The following RANBP2 variants were observed in gnomAD, a reference collection of about 807,000 sequenced individuals.
RANBP2 encodes the protein E3 SUMO-protein ligase RanBP2.
A neutral mutation model predicts 303.6 loss-of-function variants in RANBP2; 57 were observed. The ratio of observed to expected loss-of-function variants is 0.19; its 90% CI spans 0.15 to 0.23. RANBP2 has a LOEUF of 0.23. Ranked by LOEUF, RANBP2 falls within the 10% of genes least tolerant of loss-of-function variation. The pLI is 1.00. For missense variants in RANBP2, 3,138 were observed against 3,780.8 expected, an observed-to-expected ratio of 0.83 and a Z score of 4.46; for synonymous variants, 1,167 against 1,301.5, an observed-to-expected ratio of 0.90 and a Z score of 2.23.
chr2:109,585,656 A>G, the RANBP2 span: 10 of 1,072,520 alleles, frequency 9.3e-6, no homozygotes, highest in Non-Finnish European at 1.4e-5. Context: ...TCTGCCCATG[A>G]CAAGAATGAA....
chr2:109,376,617 G>T, the RANBP2 span, among the ~76,000 whole-genome samples: 2 of 152,262 alleles, frequency 1.3e-5, no homozygotes, highest in Non-Finnish European at 2.9e-5. Flanking sequence ...TCCAGGTAGA[G>T]TAATGGGGAG....
the RANBP2 span, chr2:108,931,170 G>C: frequency 1.3e-6 from 1 of 754,330 alleles, no homozygotes; most frequent in Non-Finnish European, 2.3e-6. Flanking sequence ...AAGAAAAGCA[G>C]ACATGAAGCT....
the RANBP2 span, chr2:108,812,744 G>T: frequency 6.2e-7 from 1 of 1,609,304 alleles, no homozygotes; most frequent in Non-Finnish European, 8.5e-7. Flanking sequence ...ACAGAAGTAT[G>T]TTTTTAGATG....
chr2:108,849,089 A>C, the RANBP2 span, among the ~76,000 whole-genome samples: 1 of 152,204 alleles, frequency 6.6e-6, no homozygotes, highest in Admixed American at 6.5e-5. Flanking sequence ...CCTGAAATTT[A>C]AAAATACACT....
At chr2:109,301,204 CA>C in the RANBP2 span, among the ~76,000 whole-genome samples, 1 of 152,330 alleles carries the variant, frequency 6.6e-6, no homozygotes, top group South Asian at 2.1e-4. Context: ...TTCCTCTGCG[CA>C]GGCTGATGTC....
chr2:109,549,166 G>A, the RANBP2 span, among the ~76,000 whole-genome samples: 6 of 152,216 alleles, frequency 3.9e-5, no homozygotes, highest in Non-Finnish European at 7.3e-5. Flanking sequence ...CAAACAAAGA[G>A]TGGCAGTTCT....
At chr2:109,050,889 A>G in the RANBP2 span, among the ~76,000 whole-genome samples, 1 of 152,172 alleles carries the variant, frequency 6.6e-6, no homozygotes. Flanking sequence ...GGAGATGTGT[A>G]ATATATATAA....
At chr2:108,746,341 T>G in intron 7 of RANBP2, among the ~76,000 whole-genome samples, 1 of 151,416 alleles carries the variant, frequency 6.6e-6, no homozygotes, top group Non-Finnish European at 1.5e-5. Context: ...GCCTTCCATG[T>G]AGCTGGAATT....
chr2:109,727,270 C>T, the RANBP2 span, among the ~76,000 whole-genome samples: 1 of 152,164 alleles, frequency 6.6e-6, no homozygotes, highest in African/African-American at 2.4e-5. Flanking sequence ...CCATATCTTA[C>T]TTGATAAACA....
chr2:109,192,782 A>G, the RANBP2 span, among the ~76,000 whole-genome samples: 8 of 152,252 alleles, frequency 5.3e-5, no homozygotes. Context: ...CAGCAGTGAC[A>G]GACGAGTTCA....
At chr2:109,290,034 G>GT in the RANBP2 span, among the ~76,000 whole-genome samples, 1 of 152,172 alleles carries the variant, frequency 6.6e-6, no homozygotes, top group African/African-American at 2.4e-5. Context: ...GATTCTATAG[G>GT]TACAGGGGGA....
the RANBP2 span, among the ~76,000 whole-genome samples, chr2:109,655,249 T>G: frequency 6.6e-6 from 1 of 152,170 alleles, no homozygotes; most frequent in Non-Finnish European, 1.5e-5. Context: ...CAGGTGGCCA[T>G]GAACTATGTG....
intron 25 of RANBP2, 32 bp from the exon 26 acceptor site, chr2:108,781,237 C>T (rs1366587009): frequency 1.9e-6 from 3 of 1,608,802 alleles, no homozygotes; most frequent in South Asian, 2.2e-5. Flanking sequence ...AAAATAGATA[C>T]TAGTGTTTAA....
At chr2:109,536,650 A>G in the RANBP2 span, among the ~76,000 whole-genome samples, 1 of 152,138 alleles carries the variant, frequency 6.6e-6, no homozygotes, top group Non-Finnish European at 1.5e-5. Flanking sequence ...TTGGGAAGGC[A>G]TGATTGGTTT....
the RANBP2 span, among the ~76,000 whole-genome samples, chr2:108,889,450 T>C: frequency 1.3e-5 from 2 of 152,226 alleles, no homozygotes; most frequent in South Asian, 4.1e-4. Flanking sequence ...ATATTTGCTT[T>C]ATTAATATGA....
the RANBP2 span, among the ~76,000 whole-genome samples, chr2:109,219,205 G>A: frequency 6.6e-6 from 1 of 152,282 alleles, no homozygotes; most frequent in South Asian, 2.1e-4. Context: ...CCTGAACTTG[G>A]GAGCTTCCAT....
chr2:109,585,285 G>C, the RANBP2 span: 2 of 1,607,686 alleles, frequency 1.2e-6, no homozygotes, highest in Admixed American at 1.7e-5. Flanking sequence ...ATTAAACAAT[G>C]TGTCAATCAG....
chr2:109,636,183 T>A, the RANBP2 span, among the ~76,000 whole-genome samples: 1 of 152,226 alleles, frequency 6.6e-6, no homozygotes, highest in Non-Finnish European at 1.5e-5. Flanking sequence ...GAAATAAATG[T>A]CCGTTGTCTA....
the RANBP2 span, among the ~76,000 whole-genome samples, chr2:109,155,585 G>A: frequency 6.6e-6 from 1 of 152,200 alleles, no homozygotes; most frequent in Non-Finnish European, 1.5e-5. Flanking sequence ...ACAGGCCTGA[G>A]CCACCGTGCC....
Sources: allele counts gnomAD v4.1 joint callset (sites outside exome capture counted in the v4.1 genomes callset), GRCh38; gene constraint gnomAD v4.1.1; transcripts MANE v1.5; gene names NCBI Gene and HGNC (gene_info 2026-07-23, HGNC 2026-07-21).